ZCCHC14: variants seen among roughly 807,000 people sequenced by gnomAD.
ZCCHC14 encodes zinc finger CCHC-type containing 14, also known as zinc finger CCHC domain-containing protein 14.
A neutral mutation model predicts 85.0 loss-of-function variants in ZCCHC14; 16 were observed. That is an observed-to-expected ratio of 0.19 (90% confidence interval 0.13 to 0.29). ZCCHC14 has a LOEUF of 0.29. ZCCHC14 is among the 10% of genes least tolerant of loss of function. The pLI is 1.00. For synonymous variants in ZCCHC14, 775 were observed against 630.7 expected (o/e 1.23, Z -3.43); for missense variants, 1,303 against 1,443.5 (o/e 0.90, Z 1.58).
intron 2 of ZCCHC14, among the ~76,000 whole-genome samples, chr16:87,433,830 G>A (rs1351329562): frequency 2.6e-5 from 4 of 151,494 alleles, no homozygotes; most frequent in African/African-American, 9.7e-5. Context: ...TTTTAGAAGA[G>A]ATGGGGTTTT....
intron 1 of ZCCHC14, among the ~76,000 whole-genome samples, chr16:87,478,847 C>A (rs577104681): frequency 6.6e-6 from 1 of 151,956 alleles, no homozygotes; most frequent in East Asian, 1.9e-4. Context: ...CCTTGTGATC[C>A]GCCCGCCTCG....
At chr16:87,419,453 A>C (rs908420387) in intron 6 of ZCCHC14, among the ~76,000 whole-genome samples, 18 of 152,236 alleles carry the variant, frequency 1.2e-4, no homozygotes, top group African/African-American at 4.3e-4. Context: ...GGCATGCATC[A>C]CCACGCCTGG....
chr16:87,469,787 A>G (rs1911697456), intron 1 of ZCCHC14, among the ~76,000 whole-genome samples: 1 of 152,152 alleles, frequency 6.6e-6, no homozygotes, highest in South Asian at 2.1e-4. Context: ...CTGTGTCTAC[A>G]GCATCTGCTG....
chr16:87,411,289 A>G, intron 12 of ZCCHC14: 2 of 1,337,664 alleles, frequency 1.5e-6, no homozygotes, highest in Non-Finnish European at 2.0e-6. Context: ...CTGGCTAAGC[A>G]CCTTCTAGAA....
intron 2 of ZCCHC14, among the ~76,000 whole-genome samples, chr16:87,435,308 A>C (rs79176818): frequency 0.073 from 11,104 of 152,244 alleles, 1,348 homozygotes; most frequent in African/African-American, 0.25. Context: ...GTCCTGAAGA[A>C]CCACGCTGAG....
Position 87,461,103 on chromosome 16 carries a change from G to A in ZCCHC14, c.571-972C>T, listed in dbSNP as rs115705418. ...CACAGACAGTGTACCTGCAGGTGACGGCCGCCCCCAAGCTGTGGGTGGGGG... is the reference window on the plus strand; with the variant it reads ...CACAGACAGTGTACCTGCAGGTGACAGCCGCCCCCAAGCTGTGGGTGGGGG... On this transcript the variant is annotated intron_variant, in intron 1 of 12. Transcript: ENST00000671377. 4.8e-3 allele frequency among the ~76,000 whole-genome samples: 735 copies of A among 152,264 alleles called. 10 individuals carry two copies. The highest frequency in any genetic ancestry group is 0.016 in the African/African-American group (676 of 41,542).
intron 1 of ZCCHC14, among the ~76,000 whole-genome samples, chr16:87,464,126 G>A (rs1911406867): frequency 6.6e-6 from 1 of 152,218 alleles, no homozygotes; most frequent in Non-Finnish European, 1.5e-5. Flanking sequence ...ACACTCCAAA[G>A]AGACACAAAG....
chr16:87,431,747 G>C (rs758605774), intron 3 of ZCCHC14, among the ~76,000 whole-genome samples: 160 of 152,274 alleles, frequency 1.1e-3, no homozygotes, highest in Non-Finnish European at 3.2e-4. Context: ...AAGGAATGAA[G>C]GAAGGTGTCA....
chr16:87,492,294 G>GGA lies in ZCCHC14; in HGVS notation c.-57_-56insTC. The GGA allele has an allele frequency of 1.1e-6, 1 of 929,208 alleles. No homozygotes were observed. Among genetic ancestry groups the GGA allele is most frequent in the Non-Finnish European group, 1.3e-6 (1 of 782,522 alleles). 57.6% of individuals were successfully genotyped at this position (929,208 alleles called of 1,614,324 possible). ...GCCGGGGACCGCGCGGGGGCGGCCG[G>GGA]GGGGCGCCGGGGGCCGCGGCCGGGG... On this transcript the variant is annotated 5_prime_UTR_variant, in exon 1 of 13. Coordinates refer to ENST00000671377, the MANE Select transcript of ZCCHC14 (RefSeq NM_015144.3). The surrounding 1 kb of genome is among the most constrained non-coding windows in gnomAD (Gnocchi z 6.7).
intron 1 of ZCCHC14, among the ~76,000 whole-genome samples, chr16:87,479,943 CTTTTTT>C (rs566423964): frequency 3.4e-5 from 5 of 146,358 alleles, no homozygotes; most frequent in Non-Finnish European, 7.6e-5. Flanking sequence ...TCTTCTTTTT[CTTTTTT>C]TTTTTAAATA....
intron 1 of ZCCHC14, among the ~76,000 whole-genome samples, chr16:87,477,748 G>A (rs1298889127): frequency 6.6e-6 from 1 of 151,808 alleles, no homozygotes; most frequent in Admixed American, 6.6e-5. Flanking sequence ...TGCACCTGGG[G>A]AACACCGCCA....
rs116288083 is a variant in ZCCHC14, at chr16:87,458,334, G to C, written c.694+1674C>G. 4.7e-3 allele frequency among the ~76,000 whole-genome samples: 709 copies of C among 152,300 alleles called. 2 individuals are homozygous for C. The highest frequency in any genetic ancestry group is 0.016 in the African/African-American group (649 of 41,562). The stretch of plus-strand genomic sequence containing the variant: ...ACTCCCTGCAATTCCGACGCCAAGT[G>C]TCCGCTCTGGGGTTGGAGCATCGCG... On this transcript the variant is annotated intron_variant, in intron 2 of 12. Transcript: ENST00000671377.
rs1555527009 is a variant in ZCCHC14, at chr16:87,492,920, G to GCGACGGCGACGGCGA, written c.-697_-683dup. On this transcript the variant is annotated 5_prime_UTR_variant, in exon 1 of 13. Transcript: ENST00000671377. This position sits in a 1 kb window ranked among gnomAD's most constrained non-coding sequence, Gnocchi z 6.7. ...TCCGGGCCCGAGCGCGGCGGCGGCG[G>GCGACGGCGACGGCGA]CGACGGCGACGGCGACGGCGACGGC... Among the ~76,000 whole-genome samples the GCGACGGCGACGGCGA allele has an allele frequency of 7.1e-6, 1 of 140,934 alleles. No homozygotes were observed. 92.5% of individuals were successfully genotyped at this position (140,934 alleles called of 152,430 possible). A position where few individuals can be genotyped will look rare whatever the true frequency, so the allele number is the denominator to read the frequency against.
chr16:87,414,064 A>C (rs1469073951), intron 10 of ZCCHC14, among the ~76,000 whole-genome samples: 1 of 152,284 alleles, frequency 6.6e-6, no homozygotes, highest in Non-Finnish European at 1.5e-5. Context: ...TCTAATGATC[A>C]AACAGAACAC....
At chr16:87,480,679 T>C (rs944511254) in intron 1 of ZCCHC14, among the ~76,000 whole-genome samples, 3 of 152,148 alleles carry the variant, frequency 2.0e-5, no homozygotes, top group African/African-American at 7.2e-5. Context: ...GGTGAGCCCC[T>C]AGTAGGTGGT....
rs1053236373 is a variant in ZCCHC14, at chr16:87,409,460, GAAGA to G, written c.*816_*819del. 4 of 152,256 alleles carry G rather than the reference GAAGA, an allele frequency of 2.6e-5. No homozygotes were observed. The highest frequency in any genetic ancestry group is 9.6e-5 in the African/African-American group (4 of 41,470). 9.4% of individuals were successfully genotyped at this position (152,256 alleles called of 1,614,324 possible). On this transcript the variant is annotated 3_prime_UTR_variant, in exon 13 of 13. Transcript: ENST00000671377. ...GGGCTCAAAGCCACTGACTGGCTGG[GAAGA>G]AAGATACTCTCAAAGCTTTGACGAC...
chr16:87,423,514 A>T (rs1909211002), intron 4 of ZCCHC14, among the ~76,000 whole-genome samples: 1 of 152,248 alleles, frequency 6.6e-6, no homozygotes, highest in African/African-American at 2.4e-5. Context: ...TGGGGGACTG[A>T]AAAGTAACAA....
At chr16:87,430,081 ATGT>A (rs1473809859) in intron 3 of ZCCHC14, among the ~76,000 whole-genome samples, 6 of 152,128 alleles carry the variant, frequency 3.9e-5, no homozygotes, top group Non-Finnish European at 8.8e-5. Flanking sequence ...TAATTCATCG[ATGT>A]TGTCTTTTAT....
At chr16:87,489,585 C>T (rs1403301821) in intron 1 of ZCCHC14, among the ~76,000 whole-genome samples, 1 of 152,162 alleles carries the variant, frequency 6.6e-6, no homozygotes, top group African/African-American at 2.4e-5. Context: ...GTTACATCCC[C>T]TCCACTGCAA....
Sources: allele counts gnomAD v4.1 joint callset (sites outside exome capture counted in the v4.1 genomes callset), GRCh38; gene constraint gnomAD v4.1.1; non-coding constraint Gnocchi (gnomAD v3.1); transcripts MANE v1.5; gene names NCBI Gene and HGNC (gene_info 2026-07-23, HGNC 2026-07-21).